KDM4C: variants seen among roughly 807,000 people sequenced by gnomAD.
The protein encoded by KDM4C is lysine demethylase 4C.
Under a neutral mutation model 129.3 loss-of-function variants are expected in KDM4C, and 81 were observed. The observed-to-expected ratio is 0.63, with a 90% CI of 0.52 to 0.75. The LOEUF (loss-of-function observed/expected upper bound fraction) is 0.75, where lower values mean the gene tolerates loss of function less well. Ranked by LOEUF, KDM4C falls within the 30% of genes least tolerant of loss-of-function variation. KDM4C has a pLI of 0.00. For missense variants in KDM4C, 1,457 were observed against 1,304.0 expected (o/e 1.12, Z -1.81); for synonymous variants, 573 against 456.1 (o/e 1.26, Z -3.26).
At chr9:7,030,997 T>C (rs1035034071) in intron 15 of KDM4C, among the ~76,000 whole-genome samples, 5 of 152,146 alleles carry the variant, frequency 3.3e-5, no homozygotes, top group Admixed American at 1.3e-4. Flanking sequence ...GAAAGTTGTA[T>C]TTATTATGTA....
At chr9:6,860,014 A>T (rs1159369717) in intron 5 of KDM4C, among the ~76,000 whole-genome samples, 1 of 152,220 alleles carries the variant, frequency 6.6e-6, no homozygotes, top group East Asian at 1.9e-4. Flanking sequence ...AGGAGTAGGC[A>T]AGAAGAAAGC....
At chr9:6,941,622 G>A (rs1825953268) in intron 8 of KDM4C, 1 of 152,220 alleles carries the variant, frequency 6.6e-6, no homozygotes, top group Non-Finnish European at 1.5e-5. Flanking sequence ...TGAACTGAGA[G>A]TGAGAGGGAA....
At chr9:7,076,264 T>G (rs560781995) in intron 17 of KDM4C, among the ~76,000 whole-genome samples, 49 of 152,338 alleles carry the variant, frequency 3.2e-4, no homozygotes, top group African/African-American at 1.1e-3. Context: ...GAAACTTAGA[T>G]GATTTTTAAG....
intron 11 of KDM4C, among the ~76,000 whole-genome samples, chr9:6,989,478 C>T (rs780584735): frequency 6.6e-5 from 10 of 151,920 alleles, no homozygotes; most frequent in Non-Finnish European, 1.3e-4. Flanking sequence ...ACTTTCTACC[C>T]GGGAAAGGAA....
Position 6,876,442 on chromosome 9 carries a change from G to A in KDM4C, c.630-3570G>A, listed in dbSNP as rs185240216. On this transcript the variant is annotated intron_variant, in intron 5 of 21. Transcript: ENST00000381309. ...AGACTAGGTCTGACCGTGGTGAAGTGGCTTGTGCAATGTCTCTTAGATGGT... is the reference window on the plus strand; with the variant it reads ...AGACTAGGTCTGACCGTGGTGAAGTAGCTTGTGCAATGTCTCTTAGATGGT... Among the ~76,000 whole-genome samples, 10 of 152,262 alleles carry A rather than the reference G, an allele frequency of 6.6e-5. No homozygotes were observed. The East Asian group carries it at 1.7e-3, about 26-fold the overall frequency.
chr9:6,817,981 G>T (rs1832432837), intron 4 of KDM4C, among the ~76,000 whole-genome samples: 1 of 151,762 alleles, frequency 6.6e-6, no homozygotes, highest in Admixed American at 6.6e-5. Context: ...TGGCCAGGTT[G>T]GTCTCAATCT....
At chr9:6,798,964 A>G (rs1466712483) in intron 2 of KDM4C, among the ~76,000 whole-genome samples, 12 of 142,848 alleles carry the variant, frequency 8.4e-5, no homozygotes, top group Admixed American at 2.8e-4. Context: ...ATCCCAGACG[A>G]TGGGTGGCCG....
intron 17 of KDM4C, among the ~76,000 whole-genome samples, chr9:7,101,941 A>C (rs554425112): frequency 1.3e-5 from 2 of 152,204 alleles, no homozygotes; most frequent in African/African-American, 4.8e-5. Flanking sequence ...TCACATTTCA[A>C]ATAATTGGAA....
At chr9:6,810,876 AAAATAAAT>A (rs200594931) in intron 3 of KDM4C, among the ~76,000 whole-genome samples, 4 of 151,978 alleles carry the variant, frequency 2.6e-5, no homozygotes, top group Non-Finnish European at 5.9e-5. Context: ...TGTCTCCAAA[AAAATAAAT>A]AAATAAATAA....
At position 6,956,731 on chromosome 9, in the gene KDM4C, G is replaced by C. The variant is rs183891346; in HGVS notation, c.922-24194G>C. 7.9e-5 allele frequency among the ~76,000 whole-genome samples: 12 copies of C among 152,314 alleles called. No individual in the cohort carries two copies. In the East Asian group the frequency reaches 2.1e-3, roughly 27 times the overall value. Reference sequence around the variant, plus strand: ...ATCCCTTCTTTATGAGGTCTGACCAGGCCCAGGGACCTCATGTATTTAGAT... The same window carrying C: ...ATCCCTTCTTTATGAGGTCTGACCACGCCCAGGGACCTCATGTATTTAGAT... On this transcript the variant is annotated intron_variant, in intron 8 of 21. Transcript: ENST00000381309.
chr9:7,056,424 A>G (rs972221254), intron 17 of KDM4C, among the ~76,000 whole-genome samples: 1 of 152,152 alleles, frequency 6.6e-6, no homozygotes, highest in African/African-American at 2.4e-5. Flanking sequence ...ACTAGATCCT[A>G]TTGCAAGCTG....
chr9:6,884,073 T>A (rs1028023160), intron 6 of KDM4C, among the ~76,000 whole-genome samples: 1 of 152,180 alleles, frequency 6.6e-6, no homozygotes, highest in Admixed American at 6.5e-5. Context: ...GCCACTTGTT[T>A]AGGAGAAGCG....
intron 1 of KDM4C, chr9:6,721,161 C>A (rs868475814): frequency 6.6e-6 from 3 of 451,950 alleles, no homozygotes; most frequent in Non-Finnish European, 8.0e-6. Flanking sequence ...GCAGCCTCAA[C>A]ATCCCAGGCT....
At chr9:6,851,250 A>T (rs1238616341) in intron 5 of KDM4C, among the ~76,000 whole-genome samples, 1 of 152,132 alleles carries the variant, frequency 6.6e-6, no homozygotes, top group Non-Finnish European at 1.5e-5. Context: ...AAGTGCTGGG[A>T]TTACAGGTGT....
chr9:6,896,224 C>T (rs761834055), intron 8 of KDM4C, among the ~76,000 whole-genome samples: 1 of 152,006 alleles, frequency 6.6e-6, no homozygotes, highest in Non-Finnish European at 1.5e-5. Context: ...TAAATGGTAA[C>T]TATAAAAAAG....
chr9:6,798,759 C>G (rs531572884), intron 2 of KDM4C, among the ~76,000 whole-genome samples: 1,587 of 152,350 alleles, frequency 0.01, 24 homozygotes, highest in African/African-American at 0.035. Context: ...GTTGGGTACA[C>G]CTCCCAGACG....
At chr9:6,740,639 C>G (rs996992665) in intron 1 of KDM4C, among the ~76,000 whole-genome samples, 2 of 152,162 alleles carry the variant, frequency 1.3e-5, no homozygotes, top group African/African-American at 4.8e-5. Context: ...CTGCCTCAGC[C>G]TCCGGAGTAG....
intron 20 of KDM4C, among the ~76,000 whole-genome samples, chr9:7,169,202 G>A (rs537845987): frequency 1.3e-5 from 2 of 151,910 alleles, no homozygotes; most frequent in Non-Finnish European, 2.9e-5. Flanking sequence ...CTCATGTTTT[G>A]TGATTTCCAT....
chr9:7,122,481 C>T (rs543792762), intron 18 of KDM4C, among the ~76,000 whole-genome samples: 1 of 152,218 alleles, frequency 6.6e-6, no homozygotes, highest in East Asian at 1.9e-4. Context: ...GAGCACTGCT[C>T]TAGACTACTT....
Sources: allele counts gnomAD v4.1 joint callset (sites outside exome capture counted in the v4.1 genomes callset), GRCh38; gene constraint gnomAD v4.1.1; transcripts MANE v1.5; gene names NCBI Gene and HGNC (gene_info 2026-07-23, HGNC 2026-07-21).